The following ZBTB17 variants were observed in gnomAD, a reference collection of about 807,000 sequenced individuals.
ZBTB17 encodes zinc finger and BTB domain-containing protein 17.
ZBTB17 carries 24 observed loss-of-function variants against 85.1 expected under a neutral mutation model. That is an observed-to-expected ratio of 0.28 (90% CI 0.20 to 0.40). ZBTB17 has a LOEUF of 0.40. Among genes scored for constraint, ZBTB17 ranks in the 10% least tolerant of loss-of-function variants. ZBTB17 has a pLI of 1.00. For synonymous variants in ZBTB17, 464 were observed against 460.2 expected, an observed-to-expected ratio of 1.01 and a Z score of -0.11; for missense variants, 743 against 1,105.1, an observed-to-expected ratio of 0.67 and a Z score of 4.65.
Position 15,941,963 on chromosome 1 carries a change from G to A in ZBTB17, c.*6C>T, listed in dbSNP as rs754463422. 14 of 1,589,340 alleles carry A rather than the reference G, an allele frequency of 8.8e-6. No homozygotes were observed. Among genetic ancestry groups the A allele is most frequent in the East Asian group, 4.5e-5 (2 of 44,586 alleles). On this transcript the variant is annotated 3_prime_UTR_variant, in exon 16 of 16. Coordinates refer to ENST00000375743, the MANE Select transcript of ZBTB17 (RefSeq NM_003443.3). ...CCTTAAATAAACAGTCAGAAGGGCC[G>A]CCAGCTCACTCGGCAGGCGGGGGAC...
Position 15,952,450 on chromosome 1 carries a change from C to T in ZBTB17, c.-2-3953G>A, listed in dbSNP as rs139177504. On this transcript the variant is annotated intron_variant, in intron 2 of 15. Transcript: ENST00000375743. This position sits in a 1 kb window ranked among gnomAD's most constrained non-coding sequence, Gnocchi z 4.3. ...ACGCGGCAGAACCGACACGGCGGAA[C>T]GGACGCGGATGATGCAGAGCCCCTC... is the stretch of plus-strand genomic sequence containing the variant. Among the ~76,000 whole-genome samples, 52 of 152,346 alleles carry T rather than the reference C, an allele frequency of 3.4e-4. No individual in the cohort carries two copies. The East Asian group carries it at 8.9e-3, about 26-fold the overall frequency.
chr1:15,965,880 T>C (rs1421808495), intron 2 of ZBTB17, among the ~76,000 whole-genome samples: 3 of 151,514 alleles, frequency 2.0e-5, no homozygotes, highest in African/African-American at 7.3e-5. Context: ...AAAGCAAGAG[T>C]GATAAAAGCA....
chr1:15,968,087 T>C (rs2072510068), intron 2 of ZBTB17, among the ~76,000 whole-genome samples: 1 of 152,154 alleles, frequency 6.6e-6, no homozygotes, highest in Admixed American at 6.6e-5. Flanking sequence ...CAAAGACTTA[T>C]CTGGCCCCAA....
In ZBTB17 at chr1:15,952,525, T is replaced by C. The variant is rs1201940134; in HGVS notation, c.-2-4028A>G. Among the ~76,000 whole-genome samples the C allele has an allele frequency of 6.6e-6, 1 of 152,226 alleles. No individual in the cohort carries two copies. Among genetic ancestry groups the C allele is most frequent in the Non-Finnish European group, 1.5e-5 (1 of 68,036 alleles). ...CTGCCAGGGCCCACCACGCCTCCCA[T>C]GGAGAGACGGTGTCTGTTTCCCTCC... On this transcript the variant is annotated intron_variant, in intron 2 of 15. Coordinates refer to ENST00000375743, the MANE Select transcript of ZBTB17 (RefSeq NM_003443.3). This position sits in a 1 kb window ranked among gnomAD's most constrained non-coding sequence, Gnocchi z 4.3.
At chr1:15,945,930 G>A (rs1055875630) in intron 5 of ZBTB17, 90 bp from the exon 6 acceptor site, 29 of 1,564,594 alleles carry the variant, frequency 1.9e-5, no homozygotes, top group African/African-American at 4.0e-5. Flanking sequence ...TGGTGGCTGC[G>A]TGTGACCCAG....
At chr1:15,954,580 C>T (rs868355299) in intron 2 of ZBTB17, among the ~76,000 whole-genome samples, 3 of 152,198 alleles carry the variant, frequency 2.0e-5, no homozygotes, top group African/African-American at 4.8e-5. Flanking sequence ...CCAAAGGAGC[C>T]AGGCACGGTG....
intron 2 of ZBTB17, among the ~76,000 whole-genome samples, chr1:15,970,452 C>T (rs747438530): frequency 4.0e-4 from 60 of 151,440 alleles, no homozygotes; most frequent in Non-Finnish European, 7.4e-4. Context: ...AATGCAGTGG[C>T]GTGATCTCAG....
At chr1:15,943,763 C>G (rs368667388) in intron 10 of ZBTB17, 45 bp downstream of exon 10, 1 of 1,612,336 alleles carries the variant, frequency 6.2e-7, no homozygotes, top group Admixed American at 1.7e-5. Flanking sequence ...CACCGGTGGC[C>G]GAGGAGCAGG....
intron 13 of ZBTB17, 88 bp from the exon 14 acceptor site, chr1:15,942,826 C>A: frequency 6.7e-7 from 1 of 1,500,724 alleles, no homozygotes; most frequent in Non-Finnish European, 9.0e-7. Flanking sequence ...TGCCCAGCAA[C>A]CCTGTCTTTT....
In ZBTB17 at chr1:15,944,929, T is replaced by G; in HGVS notation, c.927+8A>C. 6.4e-7 allele frequency: 1 copy of G among 1,569,426 alleles called. No individual in the cohort carries two copies. The highest frequency in any genetic ancestry group is 2.3e-5 in the East Asian group (1 of 42,638). On this transcript the variant is annotated splice_region_variant and intron_variant, in intron 7 of 15. Coordinates refer to ENST00000375743, the MANE Select transcript of ZBTB17 (RefSeq NM_003443.3). ...CTGGCTGGGAGGGCTGGCCATAGTC[T>G]CCCTCACCTCGCACTTGTGGATGAC...
rs149151045 is a variant in ZBTB17, at chr1:15,952,115, T to C, written c.-2-3618A>G. Among the ~76,000 whole-genome samples, 12 of 152,254 alleles carry C rather than the reference T, an allele frequency of 7.9e-5. No individual in the cohort carries two copies. The East Asian group carries it at 2.3e-3, about 29-fold the overall frequency. ...GGAAGATCCTAAAACCTTAGAACCA[T>C]AGAAAATGCCAACAGAACGAGACCA... On this transcript the variant is annotated intron_variant, in intron 2 of 15. Transcript: ENST00000375743. This position sits in a 1 kb window ranked among gnomAD's most constrained non-coding sequence, Gnocchi z 4.3.
At chr1:15,947,725 T>G (rs776788208) in intron 3 of ZBTB17, among the ~76,000 whole-genome samples, 1 of 152,158 alleles carries the variant, frequency 6.6e-6, no homozygotes, top group Non-Finnish European at 1.5e-5. Flanking sequence ...CTACCAACTC[T>G]CTATCTGACT....
At chr1:15,965,614 C>T (rs1262631937) in intron 2 of ZBTB17, among the ~76,000 whole-genome samples, 2 of 152,150 alleles carry the variant, frequency 1.3e-5, no homozygotes, top group South Asian at 2.1e-4. Flanking sequence ...ATACATGTCC[C>T]GGGAATGTGA....
rs867139584 is a variant in ZBTB17, at chr1:15,958,028, A to G, written c.-2-9531T>C. 1.2e-4 allele frequency among the ~76,000 whole-genome samples: 19 copies of G among 152,302 alleles called. No homozygotes were observed. In the Middle Eastern group the frequency reaches 0.027, roughly 218 times the overall value. On this transcript the variant is annotated intron_variant, in intron 2 of 15. Coordinates refer to ENST00000375743, the MANE Select transcript of ZBTB17 (RefSeq NM_003443.3). ...GCAGGTATTGGATAAACAAGAGAAG[A>G]AACCAATGGACTCAGAATCCCAGCT...
chr1:15,971,654 T>C (rs781136642), intron 2 of ZBTB17, among the ~76,000 whole-genome samples: 2 of 148,218 alleles, frequency 1.3e-5, no homozygotes, highest in Non-Finnish European at 1.5e-5. Context: ...AACGAAAAGG[T>C]TGGGGAGTGC....
At chr1:15,967,904 T>C (rs1256262270) in intron 2 of ZBTB17, among the ~76,000 whole-genome samples, 1 of 152,248 alleles carries the variant, frequency 6.6e-6, no homozygotes, top group Non-Finnish European at 1.5e-5. Flanking sequence ...CTTAGGAGTT[T>C]GTGTTCCTAA....
At chr1:15,975,661 T>C (rs915306548) in intron 1 of ZBTB17, among the ~76,000 whole-genome samples, 1 of 149,928 alleles carries the variant, frequency 6.7e-6, no homozygotes, top group African/African-American at 2.5e-5. Context: ...GCGCGCGGGG[T>C]CAAGGGGCGG....
rs147654293 is a variant in ZBTB17 at position 15,946,257 on chromosome 1, G to A, written c.432C>T (p.Thr144=). The change falls in exon 5 of 16, where the codon ACC becomes ACT. Residue 144 remains threonine (T), a synonymous_variant. Transcript: ENST00000375743. The part of the protein sequence containing the change: ...DKRAKEEKVA[T]STLSRLEQAG... ...CCTGCTCCAGCCTGCTCAGCGTGCT[G>A]GTGGCCACCTTCTCCTCTTTGGCTC... The A allele has an allele frequency of 7.1e-4, 1,141 of 1,613,914 alleles. 1 individual carries two copies. The highest frequency in any genetic ancestry group is 8.9e-4 in the Non-Finnish European group (1,049 of 1,179,944).
chr1:15,942,985 G>A (rs1305389410), intron 13 of ZBTB17, 79 bp downstream of exon 13: 1 of 1,580,150 alleles, frequency 6.3e-7, no homozygotes, highest in Non-Finnish European at 8.6e-7. Context: ...TGGGGTCTGG[G>A]GGGTCCCTTC....
Sources: gnomAD v4.1 joint callset for allele counts (sites outside exome capture counted in the v4.1 genomes callset) on GRCh38, gnomAD v4.1.1 for gene constraint, Gnocchi (gnomAD v3.1) non-coding constraint, MANE v1.5 for transcripts, NCBI Gene and HGNC (gene_info 2026-07-23, HGNC 2026-07-21) for gene names.